The following TTBK2 variants were observed in gnomAD, a reference collection of about 807,000 sequenced individuals.
TTBK2 encodes tau tubulin kinase 2.
TTBK2 carries 28 observed loss-of-function variants against 110.8 expected under a neutral mutation model. The observed-to-expected ratio is 0.25, with a 90% CI of 0.19 to 0.35. The LOEUF (loss-of-function observed/expected upper bound fraction) is 0.35. TTBK2 is among the 10% of genes least tolerant of loss of function. TTBK2 has a pLI of 1.00. For synonymous variants in TTBK2, 532 were observed against 527.3 expected (o/e 1.01, Z -0.12); for missense variants, 1,369 against 1,500.3 (o/e 0.91, Z 1.45).
chr15:42,851,061 TAAAAATAA>T (rs1227993461), intron 3 of TTBK2, among the ~76,000 whole-genome samples: 121 of 150,928 alleles, frequency 8.0e-4, no homozygotes, highest in African/African-American at 1.6e-3. Context: ...CCGTCTCTAC[TAAAAATAA>T]AAAAATAAAA....
At chr15:42,748,584 G>C (rs933719258) in intron 14 of TTBK2, among the ~76,000 whole-genome samples, 2 of 151,932 alleles carry the variant, frequency 1.3e-5, no homozygotes, top group African/African-American at 4.8e-5. Context: ...CCCGTGCCTG[G>C]CTAATTCTTG....
chr15:42,801,173 C>A, intron 9 of TTBK2: 1 of 1,282,568 alleles, frequency 7.8e-7, no homozygotes, highest in Non-Finnish European at 1.1e-6. Flanking sequence ...TGCTGGTGGT[C>A]TTCATATGGA....
chr15:42,758,969 T>C (rs1022676833), intron 13 of TTBK2, among the ~76,000 whole-genome samples: 1 of 152,180 alleles, frequency 6.6e-6, no homozygotes, highest in Non-Finnish European at 1.5e-5. Flanking sequence ...TGAGCCAAGC[T>C]GCCACAGCTT....
At chr15:42,810,910 C>T (rs1389896797) in intron 8 of TTBK2, among the ~76,000 whole-genome samples, 171 bp from the exon 9 acceptor site, 2 of 151,762 alleles carry the variant, frequency 1.3e-5, no homozygotes, top group East Asian at 1.9e-4. Context: ...TGTTTTAAAG[C>T]GGAAAAAAAC....
intron 10 of TTBK2, among the ~76,000 whole-genome samples, chr15:42,786,631 C>T (rs1890425815): frequency 6.6e-6 from 1 of 152,088 alleles, no homozygotes; most frequent in East Asian, 1.9e-4. Flanking sequence ...TCTGAATACA[C>T]TTCTACTTTC....
intron 5 of TTBK2, 23 bp from the exon 6 acceptor site, chr15:42,828,055 T>A: frequency 6.5e-7 from 1 of 1,547,260 alleles, no homozygotes. Flanking sequence ...AGAAGGAAAA[T>A]ATATACATTC....
chr15:42,782,758 T>G (rs552529969), intron 11 of TTBK2, among the ~76,000 whole-genome samples: 1 of 152,204 alleles, frequency 6.6e-6, no homozygotes, highest in Non-Finnish European at 1.5e-5. Flanking sequence ...TCACTGAGAT[T>G]AAATAGTGAT....
At chr15:42,907,710 T>C (rs1416520527) in intron 1 of TTBK2, among the ~76,000 whole-genome samples, 2 of 152,096 alleles carry the variant, frequency 1.3e-5, no homozygotes, top group Non-Finnish European at 2.9e-5. Flanking sequence ...TAAATGTATT[T>C]ATTGTTACTA....
At chr15:42,772,263 T>C (rs1316497250) in intron 13 of TTBK2, among the ~76,000 whole-genome samples, 1 of 151,894 alleles carries the variant, frequency 6.6e-6, no homozygotes, top group East Asian at 1.9e-4. Context: ...CCTCACTCAC[T>C]GGGAAAGCCA....
chr15:42,855,970 CCA>C (rs1893925550), intron 3 of TTBK2, among the ~76,000 whole-genome samples: 1 of 152,178 alleles, frequency 6.6e-6, no homozygotes, highest in African/African-American at 2.4e-5. Flanking sequence ...GCGTGAGCCA[CCA>C]TGCCCAGCCA....
intron 1 of TTBK2, among the ~76,000 whole-genome samples, chr15:42,914,084 C>G (rs2030950452): frequency 6.6e-6 from 1 of 151,674 alleles, no homozygotes; most frequent in East Asian, 1.9e-4. Flanking sequence ...TCAAGCGATT[C>G]TCCTGCCTCA....
intron 4 of TTBK2, among the ~76,000 whole-genome samples, chr15:42,837,369 A>AAG (rs975601087): frequency 2.7e-5 from 4 of 150,510 alleles, no homozygotes; most frequent in African/African-American, 9.8e-5. Flanking sequence ...AAAAAAAAAA[A>AAG]AAAAAAGGCC....
chr15:42,902,288 A>G (rs999231210), intron 1 of TTBK2, among the ~76,000 whole-genome samples: 1 of 151,840 alleles, frequency 6.6e-6, no homozygotes, highest in African/African-American at 2.4e-5. Flanking sequence ...CGGGAGGCCG[A>G]GGTGGGTGGA....
At chr15:42,890,379 G>T (rs1208804456) in intron 1 of TTBK2, among the ~76,000 whole-genome samples, 2 of 152,224 alleles carry the variant, frequency 1.3e-5, no homozygotes, top group African/African-American at 4.8e-5. Context: ...TGTTGTGAGG[G>T]TAGTGTATCC....
chr15:42,896,928 G>C (rs1415312844), intron 1 of TTBK2, among the ~76,000 whole-genome samples: 1 of 151,344 alleles, frequency 6.6e-6, no homozygotes, highest in African/African-American at 2.4e-5. Context: ...GCCCAGGCTG[G>C]AGTACAGTGG....
chr15:42,814,972 C>T (rs572442921), intron 7 of TTBK2, among the ~76,000 whole-genome samples: 1 of 152,262 alleles, frequency 6.6e-6, no homozygotes, highest in South Asian at 2.1e-4. Context: ...TAAATTAAAA[C>T]AGTAAAAGTA....
intron 1 of TTBK2, among the ~76,000 whole-genome samples, chr15:42,881,432 A>G (rs1002061112): frequency 2.0e-5 from 3 of 151,988 alleles, no homozygotes; most frequent in African/African-American, 7.2e-5. Flanking sequence ...CAATTTACAT[A>G]CGAAAGCACA....
intron 13 of TTBK2, among the ~76,000 whole-genome samples, chr15:42,756,456 G>C (rs1206133968): frequency 6.6e-6 from 1 of 151,624 alleles, no homozygotes. Flanking sequence ...GGTGATGGCG[G>C]GTGCCTGTAA....
intron 3 of TTBK2, among the ~76,000 whole-genome samples, chr15:42,842,513 C>T (rs1442297316): frequency 6.6e-6 from 1 of 151,984 alleles, no homozygotes; most frequent in Non-Finnish European, 1.5e-5. Context: ...CAGGCCAAAG[C>T]TTGAAGATGA....
Sources: gnomAD v4.1 joint callset for allele counts (sites outside exome capture counted in the v4.1 genomes callset) on GRCh38, gnomAD v4.1.1 for gene constraint, MANE v1.5 for transcripts, NCBI Gene and HGNC (gene_info 2026-07-23, HGNC 2026-07-21) for gene names.